Variants in ZCWPW2 observed in about 807,000 individuals in gnomAD.
ZCWPW2 encodes zinc finger CW-type PWWP domain protein 2.
ZCWPW2 carries 45 observed loss-of-function variants against 46.6 expected under a neutral mutation model. That is an observed-to-expected ratio of 0.96 (90% CI 0.76 to 1.24). The LOEUF (loss-of-function observed/expected upper bound fraction) is 1.24, where lower values mean the gene tolerates loss of function less well. ZCWPW2 is among the 50% of genes most tolerant of loss of function. The pLI, the probability that ZCWPW2 is intolerant of heterozygous loss-of-function variation, is 0.00. For synonymous variants in ZCWPW2, 152 were observed against 137.1 expected (o/e 1.11, Z -0.76); for missense variants, 429 against 403.9 (o/e 1.06, Z -0.53).
chr3:28,432,124 T>G (rs757517338), intron 3 of ZCWPW2, among the ~76,000 whole-genome samples: 6 of 152,102 alleles, frequency 3.9e-5, no homozygotes, highest in Non-Finnish European at 8.8e-5. Flanking sequence ...GAATTACAAT[T>G]CAAGATGAGA....
At chr3:28,421,894 T>C (rs1696808396) in intron 3 of ZCWPW2, among the ~76,000 whole-genome samples, 1 of 149,488 alleles carries the variant, frequency 6.7e-6, no homozygotes, top group Non-Finnish European at 1.5e-5. Flanking sequence ...TCTTTTCACC[T>C]AATTCAAAGT....
intron 2 of ZCWPW2, among the ~76,000 whole-genome samples, chr3:28,402,233 A>T (rs1559490056): frequency 6.6e-6 from 1 of 152,202 alleles, no homozygotes; most frequent in Non-Finnish European, 1.5e-5. Flanking sequence ...ATATGAAATG[A>T]CATGGGAGAT....
intron 5 of ZCWPW2, among the ~76,000 whole-genome samples, chr3:28,485,594 G>C (rs1699574579): frequency 6.6e-6 from 1 of 152,076 alleles, no homozygotes; most frequent in Non-Finnish European, 1.5e-5. Context: ...TACATTAAAG[G>C]TTGCAAGTCT....
At chr3:28,414,344 T>C (rs1262639009) in intron 3 of ZCWPW2, among the ~76,000 whole-genome samples, 1 of 151,932 alleles carries the variant, frequency 6.6e-6, no homozygotes, top group Non-Finnish European at 1.5e-5. Flanking sequence ...TCTTTTTCTC[T>C]TTCTTTTAAT....
intron 4 of ZCWPW2, among the ~76,000 whole-genome samples, chr3:28,464,055 C>A (rs11707705): frequency 0.21 from 31,522 of 151,926 alleles, 4,059 homozygotes; most frequent in Middle Eastern, 0.29. Flanking sequence ...TACCTCCTTC[C>A]TCCCTATCTT....
At chr3:28,401,945 A>G (rs1695958276) in intron 2 of ZCWPW2, among the ~76,000 whole-genome samples, 1 of 151,956 alleles carries the variant, frequency 6.6e-6, no homozygotes, top group South Asian at 2.1e-4. Flanking sequence ...GAAACTTCTT[A>G]GCCCTAAATG....
chr3:28,463,707 G>A (rs1698724858), intron 4 of ZCWPW2, among the ~76,000 whole-genome samples: 1 of 152,002 alleles, frequency 6.6e-6, no homozygotes, highest in African/African-American at 2.4e-5. Flanking sequence ...TTTTGGTGGT[G>A]GTACATGCTT....
At chr3:28,450,726 A>G (rs1468670753) in intron 4 of ZCWPW2, among the ~76,000 whole-genome samples, 5 of 152,168 alleles carry the variant, frequency 3.3e-5, no homozygotes, top group African/African-American at 9.7e-5. Flanking sequence ...ATATTCCTAT[A>G]TACATATAGA....
At chr3:28,441,278 C>T (rs1697746599) in intron 4 of ZCWPW2, among the ~76,000 whole-genome samples, 1 of 152,174 alleles carries the variant, frequency 6.6e-6, no homozygotes, top group Admixed American at 6.5e-5. Context: ...TACCTCTTCC[C>T]CAAATTTCTT....
Position 28,432,771 on chromosome 3 carries a change from A to G in ZCWPW2, c.333-2339A>G, listed in dbSNP as rs192869853. 1.8e-3 allele frequency among the ~76,000 whole-genome samples: 278 copies of G among 152,306 alleles called. 3 individuals are homozygous for G. Among genetic ancestry groups the G allele is most frequent in the Non-Finnish European group, 1.0e-3 (71 of 68,020 alleles). On this transcript the variant is annotated intron_variant, in intron 3 of 9. Coordinates refer to ENST00000383768, the MANE Select transcript of ZCWPW2 (RefSeq NM_001040432.4). ...GTATTTAAGAAATTGTAGACTTAAT[A>G]TATATGTAAGATAAATAAAATATCT... is the stretch of plus-strand genomic sequence containing the variant.
chr3:28,464,385 G>C (rs1698746832), intron 4 of ZCWPW2, among the ~76,000 whole-genome samples: 1 of 151,914 alleles, frequency 6.6e-6, no homozygotes. Flanking sequence ...GCAGAAAGAG[G>C]CAGAATATGA....
intron 3 of ZCWPW2, among the ~76,000 whole-genome samples, chr3:28,433,237 G>A (rs919050643): frequency 6.6e-6 from 1 of 152,034 alleles, no homozygotes; most frequent in African/African-American, 2.4e-5. Flanking sequence ...CCATCTTTGG[G>A]CTAATTATTC....
At chr3:28,409,771 G>T (rs778038140) in intron 2 of ZCWPW2, among the ~76,000 whole-genome samples, 68 of 152,170 alleles carry the variant, frequency 4.5e-4, no homozygotes, top group Non-Finnish European at 5.7e-4. Context: ...ATATTAATTT[G>T]TTTTAATACA....
chr3:28,504,838 G>A (rs1700235718), intron 6 of ZCWPW2, among the ~76,000 whole-genome samples: 1 of 152,092 alleles, frequency 6.6e-6, no homozygotes, highest in Non-Finnish European at 1.5e-5. Context: ...CATGGGGTTC[G>A]TCCCTCCCCG....
chr3:28,359,637 A>C (rs1029263167), intron 1 of ZCWPW2, among the ~76,000 whole-genome samples: 1 of 151,332 alleles, frequency 6.6e-6, no homozygotes, highest in African/African-American at 2.4e-5. Context: ...AATGATTTTC[A>C]TCCTTACAAA....
At chr3:28,423,022 G>A (rs903253452) in intron 3 of ZCWPW2, among the ~76,000 whole-genome samples, 3 of 151,982 alleles carry the variant, frequency 2.0e-5, no homozygotes, top group Admixed American at 6.6e-5. Context: ...TGTCTGTTCA[G>A]ATATTTTGCG....
Position 28,435,117 on chromosome 3 carries a change from G to A in ZCWPW2, c.340G>A (p.Gly114Arg), listed in dbSNP as rs1697428062. 2.5e-6 allele frequency: 4 copies of A among 1,605,422 alleles called. No homozygotes were observed. In the South Asian group the frequency reaches 3.4e-5, roughly 14 times the overall value. ...AATATTTTCTTTTGAAAGTTGGCCA[G>A]GAATACTTTGCCCTGACCGTTTTAA... ...VKLQNWPSWP[G>R]ILCPDRFKGK... Residue 114 changes from glycine (G) to arginine (R), a missense_variant, in exon 4 of 10, where the codon GGA becomes AGA. Coordinates refer to ENST00000383768, the MANE Select transcript of ZCWPW2 (RefSeq NM_001040432.4).
intron 1 of ZCWPW2, among the ~76,000 whole-genome samples, chr3:28,372,801 G>C (rs919865355): frequency 1.2e-4 from 19 of 152,050 alleles, no homozygotes; most frequent in African/African-American, 3.9e-4. Flanking sequence ...AAAGTCCCCA[G>C]TGTCTATTAT....
In ZCWPW2 at chr3:28,381,050, GTATATATA is replaced by G. The variant is rs60041322; in HGVS notation, c.-133-9425_-133-9418del. ...GTATATATATATATATATATTTGGT[GTATATATA>G]TATATATATATATATATATATACAG... On this transcript the variant is annotated intron_variant, in intron 1 of 9. Transcript: ENST00000383768. Among the ~76,000 whole-genome samples, 42 of 12,120 alleles carry G rather than the reference GTATATATA, an allele frequency of 3.5e-3. 7 individuals are homozygous for G. Among genetic ancestry groups the G allele is most frequent in the East Asian group, 0.01 (2 of 192 alleles). 8.0% of individuals were successfully genotyped at this position (12,120 alleles called of 152,430 possible).
Sources: gnomAD v4.1 joint callset for allele counts (sites outside exome capture counted in the v4.1 genomes callset) on GRCh38, gnomAD v4.1.1 for gene constraint, MANE v1.5 for transcripts, NCBI Gene and HGNC (gene_info 2026-07-23, HGNC 2026-07-21) for gene names.